Variants in CCDC82 observed in about 807,000 individuals in gnomAD.
CCDC82 encodes the protein coiled-coil domain-containing protein 82.
Under a neutral mutation model 60.6 loss-of-function variants are expected in CCDC82, and 47 were observed. The ratio of observed to expected loss-of-function variants is 0.77; its 90% CI spans 0.61 to 0.99. The LOEUF is 0.99. CCDC82 is among the 50% of genes least tolerant of loss of function. The pLI is 0.00. For missense variants in CCDC82, 588 were observed against 633.0 expected (o/e 0.93, Z 0.76); for synonymous variants, 212 against 207.4 (o/e 1.02, Z -0.19).
At chr11:96,357,301 T>C in intron 9 of CCDC82, 3 of 985,382 alleles carry the variant, frequency 3.0e-6, no homozygotes, top group Non-Finnish European at 2.4e-6. Context: ...CTCAAAAAAA[T>C]GAAGGTCTTT....
intron 7 of CCDC82, 40 bp downstream of exon 7, chr11:96,370,973 C>A: frequency 6.9e-7 from 1 of 1,454,260 alleles, no homozygotes; most frequent in African/African-American, 1.5e-5. Flanking sequence ...GGTTTGCTGC[C>A]CCCAACCCCC....
chr11:96,362,554 T>C (rs767767606), intron 8 of CCDC82, among the ~76,000 whole-genome samples: 4 of 152,162 alleles, frequency 2.6e-5, no homozygotes, highest in Non-Finnish European at 5.9e-5. Flanking sequence ...TAAACATATA[T>C]CCAAGATTGT....
intron 9 of CCDC82, chr11:96,356,803 A>T: frequency 4.1e-6 from 4 of 985,362 alleles, no homozygotes; most frequent in Non-Finnish European, 4.8e-6. Flanking sequence ...AAGTCAGTCT[A>T]GTTGGCATGT....
intron 7 of CCDC82, among the ~76,000 whole-genome samples, chr11:96,366,908 A>C (rs1486756664): frequency 6.6e-6 from 1 of 152,242 alleles, no homozygotes. Context: ...GTGTCACACA[A>C]ATTTTGTGGT....
intron 8 of CCDC82, among the ~76,000 whole-genome samples, chr11:96,359,820 C>CA (rs1241554468): frequency 1.3e-5 from 2 of 150,532 alleles, no homozygotes; most frequent in African/African-American, 4.9e-5. Flanking sequence ...TTTCCCCCCC[C>CA]AAAAAAAATG....
intron 5 of CCDC82, chr11:96,381,956 T>C (rs888450254): frequency 6.6e-6 from 1 of 151,870 alleles, no homozygotes; most frequent in African/African-American, 2.4e-5. Context: ...TCATTACCAC[T>C]ATGCACTCAC....
At chr11:96,362,426 G>A (rs7940764) in intron 8 of CCDC82, among the ~76,000 whole-genome samples, 53,781 of 152,022 alleles carry the variant, frequency 0.35, 9,756 homozygotes, top group Non-Finnish European at 0.39. Context: ...CCCTTGTTTG[G>A]TTTTTTGTTT....
intron 5 of CCDC82, among the ~76,000 whole-genome samples, chr11:96,374,159 C>G: frequency 6.6e-6 from 1 of 152,186 alleles, no homozygotes; most frequent in East Asian, 1.9e-4. Context: ...CTATCAACCA[C>G]GACCCATTCC....
intron 5 of CCDC82, chr11:96,381,193 T>C (rs1219236827): frequency 6.6e-6 from 1 of 151,654 alleles, no homozygotes; most frequent in Non-Finnish European, 1.5e-5. Flanking sequence ...TTGATATGAG[T>C]TGGCATCTCT....
intron 5 of CCDC82, among the ~76,000 whole-genome samples, chr11:96,376,818 T>G (rs1461379277): frequency 6.6e-6 from 1 of 152,186 alleles, no homozygotes; most frequent in African/African-American, 2.4e-5. Context: ...AAGTAATTAT[T>G]GCTAGTATAC....
At chr11:96,383,748 A>T (rs183036158) in intron 4 of CCDC82, among the ~76,000 whole-genome samples, 101 of 152,108 alleles carry the variant, frequency 6.6e-4, no homozygotes, top group African/African-American at 2.3e-3. Context: ...AATAACAAAT[A>T]GTCTTTCAAT....
At chr11:96,369,170 C>A (rs931629651) in intron 7 of CCDC82, among the ~76,000 whole-genome samples, 1 of 152,184 alleles carries the variant, frequency 6.6e-6, no homozygotes, top group Non-Finnish European at 1.5e-5. Context: ...TTAGCTTACA[C>A]GAATGTTGTA....
intron 7 of CCDC82, among the ~76,000 whole-genome samples, chr11:96,369,321 A>G (rs1348251842): frequency 6.6e-6 from 1 of 152,256 alleles, no homozygotes; most frequent in African/African-American, 2.4e-5. Context: ...CTGGCACAAG[A>G]GCAAGAGGCT....
chr11:96,372,637 T>TATAAATATATATATAAATATAAATAAAC (rs1865334417), intron 6 of CCDC82, among the ~76,000 whole-genome samples: 2 of 144,356 alleles, frequency 1.4e-5, no homozygotes, highest in African/African-American at 2.5e-5. Flanking sequence ...TATATATAAA[T>TATAAATATATATATAAATATAAATAAAC]ATAAATATAT....
intron 3 of CCDC82, chr11:96,385,367 AAAG>A (rs1419080986): frequency 6.6e-6 from 1 of 152,508 alleles, no homozygotes; most frequent in Non-Finnish European, 1.5e-5. Context: ...ATGCTGGAAA[AAAG>A]GAGAAAAGAA....
chr11:96,375,708 T>G (rs577665252), intron 5 of CCDC82, among the ~76,000 whole-genome samples: 4 of 152,370 alleles, frequency 2.6e-5, no homozygotes, highest in Middle Eastern at 3.4e-3. Flanking sequence ...GAACCCCATC[T>G]AAGTCCAGAT....
At chr11:96,388,881 T>C (rs1035220225) in intron 1 of CCDC82, 4 of 152,206 alleles carry the variant, frequency 2.6e-5, no homozygotes, top group Admixed American at 6.5e-5. Flanking sequence ...AAAATAATTA[T>C]TGAATATCTA....
intron 6 of CCDC82, among the ~76,000 whole-genome samples, chr11:96,372,737 T>C (rs1363675073): frequency 6.9e-6 from 1 of 145,574 alleles, no homozygotes; most frequent in African/African-American, 2.5e-5. Flanking sequence ...TATAAATATA[T>C]AAATATACGT....
chr11:96,359,988 T>C (rs1864556564), intron 8 of CCDC82, among the ~76,000 whole-genome samples: 1 of 151,278 alleles, frequency 6.6e-6, no homozygotes. Flanking sequence ...TTAAGAACTC[T>C]TTTTATGAAA....
Sources: gnomAD v4.1 joint callset for allele counts (sites outside exome capture counted in the v4.1 genomes callset) on GRCh38, gnomAD v4.1.1 for gene constraint, MANE v1.5 for transcripts, NCBI Gene and HGNC (gene_info 2026-07-23, HGNC 2026-07-21) for gene names.